Variants in INSYN1 observed in about 807,000 individuals in gnomAD.
INSYN1 encodes the protein UPF0583 protein C15orf59.
In INSYN1, 7 loss-of-function variants were observed where a neutral mutation model predicts 17.1. That is an observed-to-expected ratio of 0.41 (90% CI 0.23 to 0.77). The LOEUF (loss-of-function observed/expected upper bound fraction) is 0.77. INSYN1 is among the 30% of genes least tolerant of loss of function. The pLI is 0.32. For synonymous variants in INSYN1, 174 were observed against 166.3 expected, an observed-to-expected ratio of 1.05 and a Z score of -0.36; for missense variants, 339 against 400.6, an observed-to-expected ratio of 0.85 and a Z score of 1.31.
rs1901554846 is a variant in INSYN1 at position 73,737,331 on chromosome 15, C to T, written c.*2586G>A. The T allele has an allele frequency of 6.6e-6, 1 of 152,286 alleles. No individual in the cohort carries two copies. Among genetic ancestry groups the T allele is most frequent in the South Asian group, 2.1e-4 (1 of 4,838 alleles). 9.4% of individuals were successfully genotyped at this position (152,286 alleles called of 1,614,324 possible). A position where few individuals can be genotyped will look rare whatever the true frequency, so the allele number is the denominator to read the frequency against. On this transcript the variant is annotated 3_prime_UTR_variant, in exon 3 of 3. Coordinates refer to ENST00000569673, the MANE Select transcript of INSYN1 (RefSeq NM_001039614.3). ...CAGAGGGAGAACTGTTATGTCCATT[C>T]TTAGCACCAGGTAGGCCCATTCCTG...
At chr15:73,748,612 C>A (rs1901899351) in intron 2 of INSYN1, among the ~76,000 whole-genome samples, 1 of 152,216 alleles carries the variant, frequency 6.6e-6, no homozygotes, top group Non-Finnish European at 1.5e-5. Flanking sequence ...TTACAGCTCC[C>A]TTGGAGAGCC....
In INSYN1 at chr15:73,737,085, C is replaced by G. The variant is rs1416876701; in HGVS notation, c.*2832G>C. 6.6e-6 allele frequency: 1 copy of G among 152,476 alleles called. No homozygotes were observed. Among genetic ancestry groups the G allele is most frequent in the Non-Finnish European group, 1.5e-5 (1 of 68,256 alleles). 9.4% of individuals were successfully genotyped at this position (152,476 alleles called of 1,614,324 possible). A position where few individuals can be genotyped will look rare whatever the true frequency, so the allele number is the denominator to read the frequency against. On this transcript the variant is annotated 3_prime_UTR_variant, in exon 3 of 3. Coordinates refer to ENST00000569673, the MANE Select transcript of INSYN1 (RefSeq NM_001039614.3). ...GGGGGCAAATGGCCAGGCAGGGGAGCAGGGGGCGACTGATGGACATTAGCC... is the reference window on the plus strand; with the variant it reads ...GGGGGCAAATGGCCAGGCAGGGGAGGAGGGGGCGACTGATGGACATTAGCC...
rs1158316189 is a variant in INSYN1 at position 73,738,713 on chromosome 15, AAG to A, written c.*1202_*1203del. ...TAAAAAAAATAAAAATAAAAAAAGA[AAG>A]AAAGAAAAAGAAAAATGGGGTAATA... On this transcript the variant is annotated 3_prime_UTR_variant, in exon 3 of 3. Transcript: ENST00000569673. 6.6e-6 allele frequency: 1 copy of A among 152,186 alleles called. No individual in the cohort carries two copies. Among genetic ancestry groups the A allele is most frequent in the Non-Finnish European group, 1.5e-5 (1 of 68,044 alleles). 9.4% of individuals were successfully genotyped at this position (152,186 alleles called of 1,614,324 possible).
At position 73,737,037 on chromosome 15, in the gene INSYN1, A is replaced by G. The variant is rs890276498; in HGVS notation, c.*2880T>C. On this transcript the variant is annotated 3_prime_UTR_variant, in exon 3 of 3. Transcript: ENST00000569673. Reference sequence around the variant, plus strand: ...ATCCCACTTCCCCCTCCTCCAGGATATACTCCCACCACTGCCCTATTTGGG... The same window carrying G: ...ATCCCACTTCCCCCTCCTCCAGGATGTACTCCCACCACTGCCCTATTTGGG... 2 of 152,450 alleles carry G rather than the reference A, an allele frequency of 1.3e-5. No homozygotes were observed. Among genetic ancestry groups the G allele is most frequent in the African/African-American group, 4.8e-5 (2 of 41,458 alleles). The allele number at this position is 152,450 out of a possible 1,614,324, so 9.4% of individuals were successfully genotyped here. A position where few individuals can be genotyped will look rare whatever the true frequency, so the allele number is the denominator to read the frequency against.
At chr15:73,749,704 G>A (rs1338101048) in intron 2 of INSYN1, among the ~76,000 whole-genome samples, 1 of 152,204 alleles carries the variant, frequency 6.6e-6, no homozygotes, top group Non-Finnish European at 1.5e-5. Flanking sequence ...CCCAGACTAT[G>A]GCCGGCCCAG....
At chr15:73,741,045 C>T (rs942152880) in intron 2 of INSYN1, among the ~76,000 whole-genome samples, 1 of 152,232 alleles carries the variant, frequency 6.6e-6, no homozygotes, top group Admixed American at 6.5e-5. Flanking sequence ...GGCTGAGGGC[C>T]TCCAGCAAGC....
At chr15:73,747,794 C>T (rs904152315) in intron 2 of INSYN1, among the ~76,000 whole-genome samples, 9 of 152,198 alleles carry the variant, frequency 5.9e-5, no homozygotes, top group Non-Finnish European at 1.3e-4. Context: ...CCTGCTGGGA[C>T]TGGCCCGGTA....
At position 73,740,273 on chromosome 15, in the gene INSYN1, G is replaced by A; in HGVS notation, c.526C>T (p.Pro176Ser). ...GAGPTVKSQL[P>S]QRTPGTRERV... is the part of the protein sequence containing the mutation. ...TCCCGTGTCCCTGGGGTCCGCTGGG[G>A]CAGCTGGCTCTTCACCGTGGGGCCA... Residue 176 changes from proline (P) to serine (S), a missense_variant, in exon 3 of 3, where the codon CCC (proline) becomes TCC (serine). Physicochemically the swap from Pro to Ser is moderately conservative, Grantham distance 74 (BLOSUM62 -1). Transcript: ENST00000569673. 2.5e-6 allele frequency: 4 copies of A among 1,613,734 alleles called. No homozygotes were observed. Among genetic ancestry groups the A allele is most frequent in the Non-Finnish European group, 3.4e-6 (4 of 1,179,984 alleles).
Position 73,751,171 on chromosome 15 carries a change from G to C in INSYN1, c.-41C>G, listed in dbSNP as rs754684752. 1 of 1,608,954 alleles carries C rather than the reference G, an allele frequency of 6.2e-7. No homozygotes were observed. Among genetic ancestry groups the C allele is most frequent in the South Asian group, 1.1e-5 (1 of 90,874 alleles). ...CGCAGGCCTGCCCATACTCCCCCCA[G>C]CTGGGCACACACTGCGTCTGCCTCC... On this transcript the variant is annotated 5_prime_UTR_variant, in exon 2 of 3. Coordinates refer to ENST00000569673, the MANE Select transcript of INSYN1 (RefSeq NM_001039614.3).
At chr15:73,750,823 G>T (rs772025537) in intron 2 of INSYN1, 152 bp downstream of exon 2, 2 of 873,668 alleles carry the variant, frequency 2.3e-6, no homozygotes, top group East Asian at 2.5e-5. Context: ...GCAGATTTGC[G>T]GAAAGGAGAG....
chr15:73,739,980 G>A lies in INSYN1; in HGVS notation c.819C>T (p.Asp273=), dbSNP rs1234700233. The change falls in exon 3 of 3, where the codon GAC becomes GAT. Residue 273 remains aspartate, a synonymous_variant. Transcript: ENST00000569673. ...AGGGCAGAACCGTCTGCGTGCTCTT[G>A]TCTGACACTGTCTGGGTGCTGCTGT... ...TRNSSTQTVS[D]KSTQTVLPYT... 9 of 1,603,830 alleles carry A rather than the reference G, an allele frequency of 5.6e-6. No individual in the cohort carries two copies. The highest frequency in any genetic ancestry group is 1.1e-5 in the South Asian group (1 of 90,824).
At chr15:73,748,699 T>A (rs535457352) in intron 2 of INSYN1, among the ~76,000 whole-genome samples, 1 of 152,242 alleles carries the variant, frequency 6.6e-6, no homozygotes, top group African/African-American at 2.4e-5. Context: ...GCACCCCCCC[T>A]TGGTAACCCC....
intron 2 of INSYN1, among the ~76,000 whole-genome samples, chr15:73,745,048 C>T (rs1229338897): frequency 7.1e-6 from 1 of 141,632 alleles, no homozygotes; most frequent in Non-Finnish European, 1.5e-5. Context: ...TGTCCCCAAC[C>T]TCTGTCCTGG....
chr15:73,741,294 C>T (rs111310501), intron 2 of INSYN1, among the ~76,000 whole-genome samples: 14 of 152,242 alleles, frequency 9.2e-5, no homozygotes, highest in Non-Finnish European at 2.9e-5. Context: ...CCTTCCCCTT[C>T]CCTGCCCACT....
chr15:73,744,314 C>G (rs545642886), intron 2 of INSYN1, among the ~76,000 whole-genome samples: 1 of 152,204 alleles, frequency 6.6e-6, no homozygotes, highest in African/African-American at 2.4e-5. Context: ...AGCACATGGA[C>G]AGTACCTATT....
At chr15:73,740,916 C>T (rs1901676238) in intron 2 of INSYN1, among the ~76,000 whole-genome samples, 1 of 152,176 alleles carries the variant, frequency 6.6e-6, no homozygotes, top group African/African-American at 2.4e-5. Flanking sequence ...AACTGCTTTC[C>T]AGCCCTGCAC....
At position 73,739,949 on chromosome 15, in the gene INSYN1, C is replaced by T. The variant is rs753988953; in HGVS notation, c.850G>A (p.Ala284Thr). Residue 284 changes from alanine (A) to threonine (T), a missense_variant, in exon 3 of 3, where the codon GCC becomes ACC. Coordinates refer to ENST00000569673, the MANE Select transcript of INSYN1 (RefSeq NM_001039614.3). Reference sequence around the variant, plus strand: ...TTCCCCCTGGCTTTCTGTCTAGTGGCTGTGTAGGGCAGAACCGTCTGCGTG... The same window carrying T: ...TTCCCCCTGGCTTTCTGTCTAGTGGTTGTGTAGGGCAGAACCGTCTGCGTG... ...KSTQTVLPYT[A>T]TRQKARGKN 1 of 1,460,806 alleles carries T rather than the reference C, an allele frequency of 6.8e-7. No individual in the cohort carries two copies. The highest frequency in any genetic ancestry group is 2.9e-5 in the East Asian group (1 of 34,746). The allele number at this position is 1,460,806 out of a possible 1,614,324, so 90.5% of individuals were successfully genotyped here.
chr15:73,742,313 C>T (rs1310442527), intron 2 of INSYN1, among the ~76,000 whole-genome samples: 1 of 152,168 alleles, frequency 6.6e-6, no homozygotes, highest in Non-Finnish European at 1.5e-5. Context: ...ACCTCAACCT[C>T]ATTCACCTCC....
intron 2 of INSYN1, among the ~76,000 whole-genome samples, chr15:73,743,361 G>A (rs988093694): frequency 1.3e-5 from 2 of 152,208 alleles, no homozygotes; most frequent in Non-Finnish European, 2.9e-5. Context: ...GTTCCAACCT[G>A]GGGGGATGGA....
Sources: gnomAD v4.1 joint callset for allele counts (sites outside exome capture counted in the v4.1 genomes callset) on GRCh38, gnomAD v4.1.1 for gene constraint, MANE v1.5 for transcripts, NCBI Gene and HGNC (gene_info 2026-07-23, HGNC 2026-07-21) for gene names.